RHEX: variants seen among roughly 807,000 people sequenced by gnomAD.
RHEX encodes the protein regulator of hemoglobinization and erythroid cell expansion.
A neutral mutation model predicts 20.1 loss-of-function variants in RHEX; 18 were observed. The observed-to-expected ratio is 0.90, with a 90% confidence interval of 0.62 to 1.33. The LOEUF (loss-of-function observed/expected upper bound fraction) is 1.33, where lower values mean the gene tolerates loss of function less well. RHEX is among the 40% of genes most tolerant of loss of function. The pLI is 0.00. For synonymous variants in RHEX, 87 were observed against 77.1 expected, an observed-to-expected ratio of 1.13 and a Z score of -0.67; for missense variants, 192 against 214.3, an observed-to-expected ratio of 0.90 and a Z score of 0.65.
chr1:206,089,304 A>G (rs1157215551), intron 1 of RHEX, among the ~76,000 whole-genome samples: 2 of 151,996 alleles, frequency 1.3e-5, no homozygotes, highest in African/African-American at 4.8e-5. Context: ...TTGCCTCCCA[A>G]AGTGCTGGGA....
intron 1 of RHEX, among the ~76,000 whole-genome samples, chr1:206,087,633 T>C (rs1283679900): frequency 6.6e-6 from 1 of 152,218 alleles, no homozygotes; most frequent in Non-Finnish European, 1.5e-5. Context: ...CGATAAATAT[T>C]TGATTGATTG....
intron 1 of RHEX, among the ~76,000 whole-genome samples, chr1:206,081,889 A>T (rs1448017623): frequency 6.6e-5 from 10 of 152,184 alleles, no homozygotes; most frequent in African/African-American, 2.4e-4. Context: ...GCATCTTGGC[A>T]TGATCCCCAC....
intron 1 of RHEX, among the ~76,000 whole-genome samples, chr1:206,085,725 C>T (rs559486923): frequency 1.9e-4 from 29 of 152,296 alleles, no homozygotes; most frequent in African/African-American, 7.0e-4. Flanking sequence ...TTGAATCTCA[C>T]TTTTTAGTCC....
chr1:206,065,839 G>A (rs996317226), intron 1 of RHEX, among the ~76,000 whole-genome samples: 1 of 152,256 alleles, frequency 6.6e-6, no homozygotes, highest in Non-Finnish European at 1.5e-5. Context: ...GGTGGGGAGA[G>A]TGGGACATTG....
At chr1:206,090,377 T>C (rs180967208) in intron 1 of RHEX, among the ~76,000 whole-genome samples, 19 of 152,086 alleles carry the variant, frequency 1.2e-4, no homozygotes, top group Admixed American at 1.2e-3. Flanking sequence ...AGCTAATTTT[T>C]GTATTGTTTT....
At chr1:206,072,309 T>C (rs1553284740) in intron 1 of RHEX, among the ~76,000 whole-genome samples, 1 of 152,158 alleles carries the variant, frequency 6.6e-6, no homozygotes. Flanking sequence ...GGCGCGGTTG[T>C]TCACGCCTAT....
chr1:206,101,991 T>C lies in RHEX; in HGVS notation c.*39T>C. ...TTAATGGGGTCCAGTTCTCTATGGA[T>C]TCTTACATTTAATTTGTAGGGAAAT... On this transcript the variant is annotated 3_prime_UTR_variant, in exon 6 of 6. Coordinates refer to ENST00000331555, the MANE Select transcript of RHEX (RefSeq NM_001007544.4). 7 of 1,477,250 alleles carry C rather than the reference T, an allele frequency of 4.7e-6. No individual in the cohort carries two copies. The highest frequency in any genetic ancestry group is 5.7e-6 in the Non-Finnish European group (6 of 1,057,874). 91.5% of individuals were successfully genotyped at this position (1,477,250 alleles called of 1,614,324 possible). A position where few individuals can be genotyped will look rare whatever the true frequency, so the allele number is the denominator to read the frequency against.
intron 1 of RHEX, among the ~76,000 whole-genome samples, chr1:206,078,774 T>C (rs1662681775): frequency 1.3e-5 from 2 of 151,942 alleles, no homozygotes; most frequent in South Asian, 4.2e-4. Context: ...GGAAGGGTGG[T>C]AGAGGTGCCT....
intron 1 of RHEX, among the ~76,000 whole-genome samples, chr1:206,054,360 T>G (rs1662143574): frequency 6.6e-6 from 1 of 152,358 alleles, no homozygotes; most frequent in Admixed American, 6.5e-5. Flanking sequence ...TCCTGAGTAC[T>G]ATTAAAAAAA....
At chr1:206,057,988 C>T (rs1662228946) in intron 1 of RHEX, among the ~76,000 whole-genome samples, 1 of 152,244 alleles carries the variant, frequency 6.6e-6, no homozygotes, top group South Asian at 2.1e-4. Flanking sequence ...TAGACTAGCT[C>T]TTGATTACTT....
At chr1:206,064,182 G>T (rs1363948067) in intron 1 of RHEX, among the ~76,000 whole-genome samples, 1 of 148,686 alleles carries the variant, frequency 6.7e-6, no homozygotes, top group Non-Finnish European at 1.5e-5. Flanking sequence ...GAAGTTAGGA[G>T]CCTCTCCGCC....
intron 1 of RHEX, among the ~76,000 whole-genome samples, chr1:206,058,911 C>T (rs1240347677): frequency 6.6e-6 from 1 of 152,138 alleles, no homozygotes; most frequent in Non-Finnish European, 1.5e-5. Flanking sequence ...CGTCCTGCTA[C>T]AACTGGACTT....
intron 1 of RHEX, among the ~76,000 whole-genome samples, chr1:206,073,027 A>G (rs538557819): frequency 6.6e-6 from 1 of 151,956 alleles, no homozygotes; most frequent in Non-Finnish European, 1.5e-5. Context: ...TGGTAGAGAC[A>G]GGGTTTCGCC....
At chr1:206,075,307 C>T (rs1662617619) in intron 1 of RHEX, among the ~76,000 whole-genome samples, 1 of 152,168 alleles carries the variant, frequency 6.6e-6, no homozygotes, top group African/African-American at 2.4e-5. Context: ...TAGAAAAACA[C>T]CGCATAAAGC....
intron 1 of RHEX, among the ~76,000 whole-genome samples, chr1:206,083,159 G>C (rs782237719): frequency 2.6e-5 from 4 of 152,162 alleles, no homozygotes; most frequent in Non-Finnish European, 4.4e-5. Context: ...AATATCTAGA[G>C]ACCTACTTCT....
chr1:206,092,420 G>C (rs1662975076), intron 1 of RHEX, among the ~76,000 whole-genome samples: 1 of 152,100 alleles, frequency 6.6e-6, no homozygotes, highest in Admixed American at 6.6e-5. Context: ...GGCTTTGAGA[G>C]GTTAAATAGC....
chr1:206,066,585 C>G (rs1662427358), intron 1 of RHEX, among the ~76,000 whole-genome samples: 1 of 152,190 alleles, frequency 6.6e-6, no homozygotes, highest in African/African-American at 2.4e-5. Context: ...CCACTGCACT[C>G]CAGCCTGGGC....
At chr1:206,066,173 C>T (rs73088167) in intron 1 of RHEX, among the ~76,000 whole-genome samples, 5,390 of 152,334 alleles carry the variant, frequency 0.035, 330 homozygotes, top group African/African-American at 0.12. Context: ...AGGCGTATGC[C>T]TCTGGTTCTA....
At chr1:206,083,358 A>G (rs1026241383) in intron 1 of RHEX, 4 of 200,570 alleles carry the variant, frequency 2.0e-5, no homozygotes, top group Non-Finnish European at 3.4e-5. Flanking sequence ...AGAGAAAGAG[A>G]TTACTAATCT....
Sources: gnomAD v4.1 joint callset for allele counts (sites outside exome capture counted in the v4.1 genomes callset) on GRCh38, gnomAD v4.1.1 for gene constraint, MANE v1.5 for transcripts, NCBI Gene and HGNC (gene_info 2026-07-23, HGNC 2026-07-21) for gene names.